The following PARVA variants were observed in gnomAD, a reference collection of about 807,000 sequenced individuals.
The protein encoded by PARVA is parvin alpha, also known as alpha-parvin.
A neutral mutation model predicts 52.6 loss-of-function variants in PARVA; 25 were observed. That is an observed-to-expected ratio of 0.48 (90% CI 0.35 to 0.66). PARVA has a LOEUF of 0.66. PARVA is among the 30% of genes least tolerant of loss of function. The probability of loss-of-function intolerance (pLI) is 0.01; values close to 1 mark genes in which losing one functional copy is unlikely to be tolerated. For synonymous variants in PARVA, 185 were observed against 179.1 expected, an observed-to-expected ratio of 1.03 and a Z score of -0.26; for missense variants, 373 against 450.9, an observed-to-expected ratio of 0.83 and a Z score of 1.56.
intron 1 of PARVA, among the ~76,000 whole-genome samples, chr11:12,405,409 A>G (rs939886996): frequency 2.0e-5 from 3 of 152,164 alleles, no homozygotes; most frequent in Non-Finnish European, 2.9e-5. Context: ...TATATTAAGT[A>G]TAAAGAAAAG....
rs547669442 is a variant in PARVA, at chr11:12,464,081, G to A, written c.137-9664G>A. On this transcript the variant is annotated intron_variant, in intron 1 of 12. Coordinates refer to ENST00000334956, the MANE Select transcript of PARVA (RefSeq NM_018222.5). ...ATCAGCCATTTTTCCAAGGAGCCCT[G>A]GTTACTTTTATTGGAGAACAGGACT... Among the ~76,000 whole-genome samples, 13 of 150,062 alleles carry A rather than the reference G, an allele frequency of 8.7e-5. 1 individual carries two copies. In the East Asian group the frequency reaches 2.6e-3, roughly 30 times the overall value.
At chr11:12,481,162 T>C (rs1239826944) in intron 4 of PARVA, among the ~76,000 whole-genome samples, 1 of 152,220 alleles carries the variant, frequency 6.6e-6, no homozygotes, top group Non-Finnish European at 1.5e-5. Flanking sequence ...TTTGCATCCA[T>C]TTAGAATGCA....
chr11:12,436,573 G>A (rs1940391511), intron 1 of PARVA, among the ~76,000 whole-genome samples: 2 of 152,194 alleles, frequency 1.3e-5, no homozygotes, highest in South Asian at 2.1e-4. Flanking sequence ...GAAAGTTAGG[G>A]GAACTAAAAT....
chr11:12,413,091 C>T (rs1940014259), intron 1 of PARVA, among the ~76,000 whole-genome samples: 1 of 152,164 alleles, frequency 6.6e-6, no homozygotes, highest in African/African-American at 2.4e-5. Flanking sequence ...CATTGGGATG[C>T]AGGCGTCTGC....
At chr11:12,415,825 T>A (rs1940057706) in intron 1 of PARVA, among the ~76,000 whole-genome samples, 2 of 152,158 alleles carry the variant, frequency 1.3e-5, no homozygotes, top group Non-Finnish European at 2.9e-5. Flanking sequence ...GCTGAGTACT[T>A]TTTCAGCCCA....
At chr11:12,485,607 C>G (rs796493393) in intron 4 of PARVA, among the ~76,000 whole-genome samples, 2 of 152,016 alleles carry the variant, frequency 1.3e-5, no homozygotes, top group African/African-American at 4.8e-5. Flanking sequence ...GTCTAAATAC[C>G]CTTAAATTGA....
In PARVA at chr11:12,482,027, GGCATGGTGGT is replaced by G. The variant is rs1271342289; in HGVS notation, c.400+4084_400+4093del. On this transcript the variant is annotated intron_variant, in intron 4 of 12. Transcript: ENST00000334956. ...TCTTCTAAATACAAAAAATTAGCCG[GGCATGGTGGT>G]GCATGCTACTTGCGAGGCTAAGACA... Among the ~76,000 whole-genome samples the G allele has an allele frequency of 7.3e-5, 11 of 151,472 alleles. No homozygotes were observed. In the East Asian group the frequency reaches 1.6e-3, roughly 22 times the overall value.
intron 9 of PARVA, chr11:12,513,781 A>G: frequency 1.7e-6 from 1 of 599,264 alleles, no homozygotes; most frequent in South Asian, 2.0e-5. Flanking sequence ...TGTTCCTTAC[A>G]CGCCCTGAGT....
chr11:12,377,564 C>T (rs770896965), upstream of PARVA: 1,796 of 1,489,866 alleles, frequency 1.2e-3, 2 homozygotes, highest in Non-Finnish European at 1.5e-3. Flanking sequence ...TGGAAAGCCG[C>T]AGCCTCAGTC....
At chr11:12,422,162 TAA>T (rs1940159811) in intron 1 of PARVA, among the ~76,000 whole-genome samples, 1 of 152,258 alleles carries the variant, frequency 6.6e-6, no homozygotes, top group African/African-American at 2.4e-5. Context: ...CATGATCACT[TAA>T]AGTTTTAAAT....
intron 1 of PARVA, among the ~76,000 whole-genome samples, chr11:12,463,761 TTAG>T (rs1386289783): frequency 1.3e-5 from 2 of 152,184 alleles, no homozygotes; most frequent in African/African-American, 4.8e-5. Context: ...TCTGCACAGA[TTAG>T]TTTCTTCTCT....
At chr11:12,396,564 T>C (rs1589941657) in intron 1 of PARVA, among the ~76,000 whole-genome samples, 1 of 152,182 alleles carries the variant, frequency 6.6e-6, no homozygotes, top group Non-Finnish European at 1.5e-5. Context: ...TAAGGTTGTC[T>C]TGAAGATGAA....
At chr11:12,517,489 G>GCCC (rs1192308082) in intron 10 of PARVA, 121 bp from the exon 11 acceptor site, 2 of 730,062 alleles carry the variant, frequency 2.7e-6, no homozygotes, top group African/African-American at 3.5e-5. Context: ...CTACCCCCGA[G>GCCC]CTAGCAGCCT....
At chr11:12,461,784 A>C (rs1190724930) in intron 1 of PARVA, among the ~76,000 whole-genome samples, 1 of 152,126 alleles carries the variant, frequency 6.6e-6, no homozygotes, top group African/African-American at 2.4e-5. Context: ...GATGGGTGGA[A>C]ACTGTAGGAC....
intron 10 of PARVA, among the ~76,000 whole-genome samples, chr11:12,516,592 G>A (rs1424794799): frequency 2.0e-5 from 3 of 152,214 alleles, no homozygotes; most frequent in African/African-American, 4.8e-5. Context: ...GGAAGGGACC[G>A]GGCTGCAAGC....
Position 12,513,090 on chromosome 11 carries a change from GAC to G in PARVA, c.737-205_737-204del. ...CAATCCAATAATGTACACATGCACGGACACAGACACAGGCTCCCAGGGTGAGA... is the reference window on the plus strand; with the variant it reads ...CAATCCAATAATGTACACATGCACGGACAGACACAGGCTCCCAGGGTGAGA... On this transcript the variant is annotated intron_variant, in intron 8 of 12. Transcript: ENST00000334956. The G allele has an allele frequency of 5.8e-6, 4 of 688,172 alleles. 1 individual carries two copies. In the South Asian group the frequency reaches 5.9e-5, roughly 10 times the overall value. The allele number at this position is 688,172 out of a possible 1,614,324, so 42.6% of individuals were successfully genotyped here.
At chr11:12,495,530 A>T (rs186549184) in intron 4 of PARVA, among the ~76,000 whole-genome samples, 2 of 152,314 alleles carry the variant, frequency 1.3e-5, no homozygotes, top group African/African-American at 4.8e-5. Context: ...TAGGCAACCA[A>T]TTTCCTGTTA....
chr11:12,382,322 T>C (rs1038394576), intron 1 of PARVA, among the ~76,000 whole-genome samples: 31 of 152,208 alleles, frequency 2.0e-4, no homozygotes, highest in African/African-American at 7.0e-4. Context: ...TGGTAGTAAA[T>C]GAGAAGGCAG....
intron 8 of PARVA, 85 bp downstream of exon 8, chr11:12,511,618 T>A: frequency 7.2e-7 from 1 of 1,392,756 alleles, no homozygotes; most frequent in Non-Finnish European, 1.0e-6. Flanking sequence ...GAACAGGCTC[T>A]CAGCTTGTCA....
Sources: allele counts gnomAD v4.1 joint callset (sites outside exome capture counted in the v4.1 genomes callset), GRCh38; gene constraint gnomAD v4.1.1; transcripts MANE v1.5; gene names NCBI Gene and HGNC (gene_info 2026-07-23, HGNC 2026-07-21).